The following SLX4IP variants were observed in gnomAD, a reference collection of about 807,000 sequenced individuals.
SLX4IP encodes the protein SLX4 interacting protein.
Under a neutral mutation model 32.9 loss-of-function variants are expected in SLX4IP, and 34 were observed. The ratio of observed to expected loss-of-function variants is 1.03; its 90% CI spans 0.79 to 1.38. The LOEUF (loss-of-function observed/expected upper bound fraction) is 1.38. Ranked by LOEUF, SLX4IP falls within the 40% of genes most tolerant of loss-of-function variation. The pLI is 0.00. For synonymous variants in SLX4IP, 172 were observed against 171.7 expected (o/e 1.00, Z -0.01); for missense variants, 444 against 479.0 (o/e 0.93, Z 0.68).
intron 4 of SLX4IP, among the ~76,000 whole-genome samples, chr20:10,598,391 G>A (rs192737390): frequency 2.0e-5 from 3 of 152,308 alleles, no homozygotes; most frequent in East Asian, 3.9e-4. Context: ...AGCCTCCTGA[G>A]TAGCTGGGAT....
At chr20:10,543,456 A>T (rs1325885335) in intron 2 of SLX4IP, among the ~76,000 whole-genome samples, 3 of 152,170 alleles carry the variant, frequency 2.0e-5, no homozygotes, top group Non-Finnish European at 4.4e-5. Flanking sequence ...TCAGCATGTA[A>T]ACTGCCCAGT....
At chr20:10,607,707 G>A (rs1735414225) in intron 6 of SLX4IP, among the ~76,000 whole-genome samples, 1 of 152,076 alleles carries the variant, frequency 6.6e-6, no homozygotes, top group South Asian at 2.1e-4. Context: ...GAAAATGCTG[G>A]TAGTGAGGAT....
At chr20:10,565,980 T>C (rs987116489) in intron 4 of SLX4IP, among the ~76,000 whole-genome samples, 1 of 152,118 alleles carries the variant, frequency 6.6e-6, no homozygotes, top group African/African-American at 2.4e-5. Context: ...AATAAAATAG[T>C]AGGGAAACAG....
intron 2 of SLX4IP, among the ~76,000 whole-genome samples, chr20:10,528,604 G>A (rs145043564): frequency 2.1e-3 from 321 of 152,302 alleles, no homozygotes; most frequent in African/African-American, 7.2e-3. Context: ...TCCTAGGAAT[G>A]TGTTGTCATT....
intron 1 of SLX4IP, among the ~76,000 whole-genome samples, chr20:10,452,883 A>C (rs911958414): frequency 6.6e-6 from 1 of 151,608 alleles, no homozygotes; most frequent in East Asian, 1.9e-4. Context: ...TAACGTAAAA[A>C]ATTTTATTAA....
intron 2 of SLX4IP, among the ~76,000 whole-genome samples, chr20:10,463,904 G>A (rs2065359138): frequency 1.3e-5 from 2 of 152,272 alleles, no homozygotes; most frequent in South Asian, 4.1e-4. Context: ...GCATGGTTCA[G>A]CTTTGAACAG....
In SLX4IP at chr20:10,571,661, T is replaced by G. The variant is rs115764488; in HGVS notation, c.238+10841T>G. ...TTGCTTCCCTGCCTCACAGATAGGC[T>G]TCAGTTTCATTGAGGACAGGAGTCT... On this transcript the variant is annotated intron_variant, in intron 4 of 7. Coordinates refer to ENST00000334534, the MANE Select transcript of SLX4IP (RefSeq NM_001009608.3). Among the ~76,000 whole-genome samples the G allele has an allele frequency of 9.4e-3, 1,424 of 152,280 alleles. 26 individuals are homozygous for G. The highest frequency in any genetic ancestry group is 0.032 in the African/African-American group (1,346 of 41,556).
chr20:10,560,828 C>A lies in SLX4IP; in HGVS notation c.238+8C>A. On this transcript the variant is annotated splice_region_variant and intron_variant, in intron 4 of 7. Coordinates refer to ENST00000334534, the MANE Select transcript of SLX4IP (RefSeq NM_001009608.3). ...ATCCCTTGTCCTTAAAAGGTAGGCA[C>A]AGAGCACTTTGATTTTGGACAAAAA... is the stretch of plus-strand genomic sequence containing the variant. 1 of 1,567,032 alleles carries A rather than the reference C, an allele frequency of 6.4e-7. No homozygotes were observed. The highest frequency in any genetic ancestry group is 8.6e-7 in the Non-Finnish European group (1 of 1,161,662).
chr20:10,503,637 A>ACGG (rs1441977225), intron 2 of SLX4IP, among the ~76,000 whole-genome samples: 6 of 152,192 alleles, frequency 3.9e-5, no homozygotes, highest in Non-Finnish European at 8.8e-5. Context: ...GTAACAAACA[A>ACGG]CCACAAACTG....
chr20:10,576,608 C>A (rs185128878), intron 4 of SLX4IP, among the ~76,000 whole-genome samples: 3 of 152,052 alleles, frequency 2.0e-5, no homozygotes, highest in South Asian at 2.1e-4. Context: ...CATGATCTCA[C>A]GCATAAAAAA....
At chr20:10,507,877 A>G (rs1302826788) in intron 2 of SLX4IP, among the ~76,000 whole-genome samples, 3 of 151,356 alleles carry the variant, frequency 2.0e-5, no homozygotes, top group South Asian at 2.1e-4. Flanking sequence ...TAAAAGGCAT[A>G]CAAGGAGCAG....
At chr20:10,436,922 GT>G (rs971901286) in intron 1 of SLX4IP, among the ~76,000 whole-genome samples, 28 of 143,724 alleles carry the variant, frequency 1.9e-4, no homozygotes, top group African/African-American at 5.6e-4. Context: ...ACTGGTTTGC[GT>G]TTTTTTTTTA....
At chr20:10,519,610 C>G (rs1055060700) in intron 2 of SLX4IP, among the ~76,000 whole-genome samples, 1 of 152,144 alleles carries the variant, frequency 6.6e-6, no homozygotes, top group Non-Finnish European at 1.5e-5. Context: ...TTTTGCTTAT[C>G]CATTTATCAG....
intron 1 of SLX4IP, among the ~76,000 whole-genome samples, chr20:10,444,828 C>A (rs1011758234): frequency 5.9e-5 from 9 of 152,028 alleles, no homozygotes; most frequent in Non-Finnish European, 1.2e-4. Context: ...TTTCCAAAGT[C>A]CCCACCGTTA....
chr20:10,493,233 A>G (rs2122400266), intron 2 of SLX4IP, among the ~76,000 whole-genome samples: 1 of 152,300 alleles, frequency 6.6e-6, no homozygotes, highest in East Asian at 1.9e-4. Context: ...GAGTTCGTAG[A>G]TTAATTGGGG....
chr20:10,557,560 T>TA (rs1340508736), intron 3 of SLX4IP, among the ~76,000 whole-genome samples: 1 of 152,238 alleles, frequency 6.6e-6, no homozygotes, highest in Non-Finnish European at 1.5e-5. Flanking sequence ...TCAAAACTGT[T>TA]CACTCGTTTC....
intron 4 of SLX4IP, among the ~76,000 whole-genome samples, chr20:10,567,395 C>T (rs768945742): frequency 1.3e-5 from 2 of 152,096 alleles, no homozygotes; most frequent in African/African-American, 2.4e-5. Flanking sequence ...TGATGGAGGC[C>T]TTTTTGCCCT....
At chr20:10,507,975 T>C (rs2065773646) in intron 2 of SLX4IP, among the ~76,000 whole-genome samples, 1 of 151,876 alleles carries the variant, frequency 6.6e-6, no homozygotes, top group South Asian at 2.1e-4. Context: ...GATATATATA[T>C]ACACACATTT....
intron 6 of SLX4IP, chr20:10,613,658 A>G (rs552103978): frequency 3.7e-6 from 6 of 1,613,680 alleles, no homozygotes; most frequent in African/African-American, 2.7e-5. Flanking sequence ...TTTTCTTTGC[A>G]TTCATCTTTT....
Sources: gnomAD v4.1 joint callset for allele counts (sites outside exome capture counted in the v4.1 genomes callset) on GRCh38, gnomAD v4.1.1 for gene constraint, MANE v1.5 for transcripts, NCBI Gene and HGNC (gene_info 2026-07-23, HGNC 2026-07-21) for gene names.